Variants in ZBTB16 observed in about 807,000 individuals in gnomAD.
ZBTB16 encodes the protein zinc finger and BTB domain-containing protein 16.
Under a neutral mutation model 56.8 loss-of-function variants are expected in ZBTB16, and 8 were observed. The ratio of observed to expected loss-of-function variants is 0.14; its 90% CI spans 0.08 to 0.25. ZBTB16 has a LOEUF of 0.25. Ranked by LOEUF, ZBTB16 falls within the 10% of genes least tolerant of loss-of-function variation. ZBTB16 has a pLI of 1.00. For synonymous variants in ZBTB16, 363 were observed against 368.5 expected (o/e 0.98, Z 0.17); for missense variants, 625 against 903.0 (o/e 0.69, Z 3.95).
intron 4 of ZBTB16, among the ~76,000 whole-genome samples, chr11:114,240,789 T>C (rs956007339): frequency 6.6e-6 from 1 of 152,088 alleles, no homozygotes; most frequent in South Asian, 2.1e-4. Flanking sequence ...ATGTGTGGGG[T>C]ACTTTGGGGA....
At position 114,059,932 on chromosome 11, in the gene ZBTB16, C is replaced by T; in HGVS notation, c.-91+50C>T. On this transcript the variant is annotated intron_variant, in intron 1 of 6. Coordinates refer to ENST00000335953, the MANE Select transcript of ZBTB16 (RefSeq NM_006006.6). This position sits in a 1 kb window ranked among gnomAD's most constrained non-coding sequence, Gnocchi z 5.3. Reference sequence around the variant, plus strand: ...GCACCGCCCAGCGAGCGCCGCGCGCCGGGGCTTCCCGGGGCTGGAGAGGTC... The same window carrying T: ...GCACCGCCCAGCGAGCGCCGCGCGCTGGGGCTTCCCGGGGCTGGAGAGGTC... The T allele has an allele frequency of 2.5e-6, 1 of 394,172 alleles. No individual in the cohort carries two copies. The highest frequency in any genetic ancestry group is 4.5e-6 in the Non-Finnish European group (1 of 223,564). 24.4% of individuals were successfully genotyped at this position (394,172 alleles called of 1,614,324 possible).
chr11:114,248,517 G>T (rs549211335), intron 6 of ZBTB16, among the ~76,000 whole-genome samples: 1 of 152,324 alleles, frequency 6.6e-6, no homozygotes, highest in Non-Finnish European at 1.5e-5. Context: ...TTGATTTACA[G>T]AAGGGTGAGA....
chr11:114,161,153 C>T (rs1260461330), intron 3 of ZBTB16, among the ~76,000 whole-genome samples: 1 of 152,150 alleles, frequency 6.6e-6, no homozygotes, highest in Non-Finnish European at 1.5e-5. Flanking sequence ...CATGCAGTGA[C>T]TCAAATTGGT....
intron 4 of ZBTB16, among the ~76,000 whole-genome samples, chr11:114,234,858 C>G (rs1944530513): frequency 6.6e-6 from 1 of 152,174 alleles, no homozygotes; most frequent in South Asian, 2.1e-4. Flanking sequence ...TACAGCCCTG[C>G]TACCTTTTTC....
intron 2 of ZBTB16, among the ~76,000 whole-genome samples, chr11:114,089,188 G>C (rs1367449259): frequency 6.6e-6 from 1 of 152,186 alleles, no homozygotes; most frequent in Non-Finnish European, 1.5e-5. Flanking sequence ...TCAAGCTGGG[G>C]CTTTCCTATG....
chr11:114,221,856 A>G (rs1944237460), intron 4 of ZBTB16, among the ~76,000 whole-genome samples: 1 of 152,192 alleles, frequency 6.6e-6, no homozygotes, highest in African/African-American at 2.4e-5. Context: ...TGACTCAGGA[A>G]GAGAAAGGAA....
At chr11:114,093,868 A>G (rs1284463306) in intron 2 of ZBTB16, among the ~76,000 whole-genome samples, 1 of 152,232 alleles carries the variant, frequency 6.6e-6, no homozygotes, top group East Asian at 1.9e-4. Context: ...AACATGTCAT[A>G]TGCAACTGTT....
At chr11:114,216,766 A>G (rs1944108993) in intron 4 of ZBTB16, among the ~76,000 whole-genome samples, 1 of 152,236 alleles carries the variant, frequency 6.6e-6, no homozygotes, top group South Asian at 2.1e-4. Context: ...AGAAGAACCA[A>G]GACGGCTTGC....
At chr11:114,093,594 C>G (rs1555132277) in intron 2 of ZBTB16, among the ~76,000 whole-genome samples, 1 of 152,142 alleles carries the variant, frequency 6.6e-6, no homozygotes, top group Non-Finnish European at 1.5e-5. Flanking sequence ...AAGGTAGAAC[C>G]AAGACTATAG....
intron 2 of ZBTB16, among the ~76,000 whole-genome samples, chr11:114,135,497 G>C (rs753899240): frequency 4.6e-5 from 7 of 152,198 alleles, no homozygotes; most frequent in Admixed American, 1.3e-4. Context: ...GGAGGCAGAA[G>C]AGTCAGTGTC....
intron 2 of ZBTB16, among the ~76,000 whole-genome samples, chr11:114,100,147 T>A (rs1940557540): frequency 1.3e-5 from 2 of 152,174 alleles, no homozygotes; most frequent in Non-Finnish European, 2.9e-5. Flanking sequence ...GATTTTTTGT[T>A]TGTGTGTTTT....
chr11:114,116,601 T>G (rs1342044101), intron 2 of ZBTB16, among the ~76,000 whole-genome samples: 1 of 152,134 alleles, frequency 6.6e-6, no homozygotes, highest in Admixed American at 6.5e-5. Context: ...ATTCAACTCA[T>G]CAAATATTTA....
intron 4 of ZBTB16, among the ~76,000 whole-genome samples, chr11:114,239,081 G>A (rs994547275): frequency 6.6e-6 from 1 of 152,122 alleles, no homozygotes; most frequent in African/African-American, 2.4e-5. Flanking sequence ...GTGGGTTCAG[G>A]CCACCCTGAG....
At chr11:114,138,938 G>A (rs1170679594) in intron 2 of ZBTB16, among the ~76,000 whole-genome samples, 5 of 151,972 alleles carry the variant, frequency 3.3e-5, no homozygotes, top group Middle Eastern at 3.2e-3. Flanking sequence ...TGATCCACCC[G>A]CTTCTGCCTC....
chr11:114,119,190 G>T (rs1447954066), intron 2 of ZBTB16, among the ~76,000 whole-genome samples: 2 of 142,174 alleles, frequency 1.4e-5, no homozygotes, highest in Admixed American at 1.5e-4. Flanking sequence ...GCTTGAACCT[G>T]AGAGGCAGAG....
intron 4 of ZBTB16, among the ~76,000 whole-genome samples, chr11:114,207,841 T>C (rs1021365585): frequency 1.3e-5 from 2 of 152,216 alleles, no homozygotes; most frequent in Non-Finnish European, 2.9e-5. Context: ...CTCGAACTCC[T>C]GACCTCAAGT....
rs116341732 is a variant in ZBTB16, at chr11:114,220,508, C to T, written c.1454-21659C>T. ...ATTTTTACCTTGGAGCCCTTCTCAA[C>T]TTTAAATTCCAACCCTGAAAGCCGT... On this transcript the variant is annotated intron_variant, in intron 4 of 6. Coordinates refer to ENST00000335953, the MANE Select transcript of ZBTB16 (RefSeq NM_006006.6). Among the ~76,000 whole-genome samples, 1,311 of 152,272 alleles carry T rather than the reference C, an allele frequency of 8.6e-3. 18 individuals carry two copies. The highest frequency in any genetic ancestry group is 0.03 in the African/African-American group (1,252 of 41,540).
rs138594849 is a variant in ZBTB16 at position 114,064,476 on chromosome 11, T to C, written c.1176T>C (p.Ala392=). ...TGTTCAGCAAGCTGGGGGAGCTGGC[T>C]GTGGGCATGAAGTCAGAGAGCCGGA... ...RELFSKLGEL[A]VGMKSESRTI... Residue 392 remains alanine (A), a synonymous_variant, in exon 2 of 7, where the codon GCT becomes GCC. Coordinates refer to ENST00000335953, the MANE Select transcript of ZBTB16 (RefSeq NM_006006.6). This position sits in a 1 kb window ranked among gnomAD's most constrained non-coding sequence, Gnocchi z 4.2. 3.2e-5 allele frequency: 52 copies of C among 1,614,116 alleles called. 1 individual carries two copies. In the Admixed American group the frequency reaches 7.2e-4, roughly 22 times the overall value.
At position 114,255,786 on chromosome 11, in the gene ZBTB16, T is replaced by C. The variant is rs1944995985; in HGVS notation, c.*5231T>C. 2.0e-5 allele frequency among the ~76,000 whole-genome samples: 3 copies of C among 151,910 alleles called. No individual in the cohort carries two copies. The highest frequency in any genetic ancestry group is 2.0e-4 in the Admixed American group (3 of 15,234). On this transcript the variant is annotated 3_prime_UTR_variant, in exon 7 of 7. Transcript: ENST00000335953. ...TGCTGCAGGTTTTTTTCTCTCTCCA[T>C]GTGTCACTAAGTGAAGTTTGTGCCT... is the stretch of plus-strand genomic sequence containing the variant.
Sources: gnomAD v4.1 joint callset for allele counts (sites outside exome capture counted in the v4.1 genomes callset) on GRCh38, gnomAD v4.1.1 for gene constraint, Gnocchi (gnomAD v3.1) non-coding constraint, MANE v1.5 for transcripts, NCBI Gene and HGNC (gene_info 2026-07-23, HGNC 2026-07-21) for gene names.